Variants in KMT2B observed in about 807,000 individuals in gnomAD.
The protein encoded by KMT2B is histone-lysine N-methyltransferase 2B.
Under a neutral mutation model 255.3 loss-of-function variants are expected in KMT2B, and 22 were observed. The ratio of observed to expected loss-of-function variants is 0.09; its 90% CI spans 0.06 to 0.12. The LOEUF (loss-of-function observed/expected upper bound fraction) is 0.12, where lower values mean the gene tolerates loss of function less well. Ranked by LOEUF, KMT2B falls within the 10% of genes least tolerant of loss-of-function variation. KMT2B has a pLI of 1.00. For synonymous variants in KMT2B, 1,730 were observed against 1,498.1 expected, an observed-to-expected ratio of 1.15 and a Z score of -3.57; for missense variants, 3,149 against 3,737.0, an observed-to-expected ratio of 0.84 and a Z score of 4.10.
chr19:35,722,889 C>G, intron 5 of KMT2B, 106 bp from the exon 6 acceptor site: 1 of 1,432,872 alleles, frequency 7.0e-7, no homozygotes, highest in Non-Finnish European at 9.2e-7. Context: ...CACCAGGAAC[C>G]TGGCGCTGTG....
Position 35,725,789 on chromosome 19 carries a change from A to G in KMT2B, c.3856A>G (p.Thr1286Ala). The G allele has an allele frequency of 6.3e-7, 1 of 1,592,164 alleles. No homozygotes were observed. Among genetic ancestry groups the G allele is most frequent in the South Asian group, 1.1e-5 (1 of 88,430 alleles). ...HPACLGPSYP[T>A]RATRKRRHWI... is the part of the protein sequence containing the mutation. ...GGCCTGTCTGGGGCCCAGCTATCCA[A>G]CCCGGGCCACGCGCAAACGGCGCCA... Residue 1286 changes from threonine to alanine, a missense_variant, in exon 13 of 37, where the codon ACC becomes GCC. By Grantham distance (58) the Thr-to-Ala change is moderately conservative (BLOSUM62 0). Transcript: ENST00000420124. The surrounding 1 kb of genome is among the most constrained non-coding windows in gnomAD (Gnocchi z 4.1).
intron 26 of KMT2B, 71 bp downstream of exon 26, chr19:35,730,938 G>T: frequency 6.9e-7 from 1 of 1,454,102 alleles, no homozygotes; most frequent in Non-Finnish European, 9.1e-7. Flanking sequence ...TCTGTTCCCC[G>T]CTCCCTTTTG....
rs1167533585 is a variant in KMT2B at position 35,738,633 on chromosome 19, C to T, written c.*76C>T. 2 of 1,449,078 alleles carry T rather than the reference C, an allele frequency of 1.4e-6. No individual in the cohort carries two copies. The highest frequency in any genetic ancestry group is 2.8e-5 in the African/African-American group (2 of 71,372). The allele number at this position is 1,449,078 out of a possible 1,614,324, so 89.8% of individuals were successfully genotyped here. On this transcript the variant is annotated 3_prime_UTR_variant, in exon 37 of 37. Transcript: ENST00000420124. This position sits in a 1 kb window ranked among gnomAD's most constrained non-coding sequence, Gnocchi z 8.7. ...CATCTTGCCCCTAGCCTGGGGGCTC[C>T]CTAGCCCCTCCCAGAGCATCTCACC...
rs1969267160 is a variant in KMT2B at position 35,722,617 on chromosome 19, A to C, written c.2621A>C (p.His874Pro). 6.2e-7 allele frequency: 1 copy of C among 1,612,458 alleles called. No individual in the cohort carries two copies. Among genetic ancestry groups the C allele is most frequent in the Non-Finnish European group, 8.5e-7 (1 of 1,179,456 alleles). ...QGPRIKHVCR[H>P]AAVALGQARA... Reference sequence around the variant, plus strand: ...CCCCGCATCAAACATGTCTGCCGTCATGCTGCTGTGGCCCTGGGTCAGGCC... The same window carrying C: ...CCCCGCATCAAACATGTCTGCCGTCCTGCTGCTGTGGCCCTGGGTCAGGCC... The change falls in exon 5 of 37, where the codon CAT becomes CCT. Residue 874 changes from histidine (H) to proline (P), a missense_variant. Around this residue, in one of 18 missense-constraint regions of KMT2B, gnomAD observed 132 missense variants for 174.7 expected, o/e 0.76. Transcript: ENST00000420124.
Position 35,720,445 on chromosome 19 carries a change from AGAG to A in KMT2B, c.1099_1101del (p.Glu367del). 1 of 1,552,830 alleles carries A rather than the reference AGAG, an allele frequency of 6.4e-7. No homozygotes were observed. Among genetic ancestry groups the A allele is most frequent in the South Asian group, 1.2e-5 (1 of 84,194 alleles). Reference sequence around the variant, plus strand: ...AACAGAAGCTGGATGACGAGGAAGAAGAGAAGAAAGAAGAAGAAGAAAAAGACA... The same window carrying A: ...AACAGAAGCTGGATGACGAGGAAGAAAAGAAAGAAGAAGAAGAAAAAGACA... On this transcript the variant is annotated inframe_deletion, in exon 3 of 37. Transcript: ENST00000420124.
At position 35,722,382 on chromosome 19, in the gene KMT2B, G is replaced by A. The variant is rs778389846; in HGVS notation, c.2481G>A (p.Glu827=). The part of the protein sequence containing the change: ...SMPLSPGGQM[E]EVAGAVKQIS... ...AGCTGAGCCCTGGAGGGCAGATGGA[G>A]GAGGTGGCCGGGGCTGTCAAGCAGA... The change falls in exon 4 of 37, where the codon GAG becomes GAA. Residue 827 remains glutamate (E), a synonymous_variant. Transcript: ENST00000420124. 4.3e-6 allele frequency: 7 copies of A among 1,610,532 alleles called. No individual in the cohort carries two copies. The highest frequency in any genetic ancestry group is 1.7e-5 in the Admixed American group (1 of 59,964).
intron 13 of KMT2B, 118 bp from the exon 14 acceptor site, chr19:35,726,118 C>T: frequency 1.3e-6 from 1 of 759,180 alleles, no homozygotes; most frequent in Non-Finnish European, 2.3e-6. Flanking sequence ...GTTTTCTCCT[C>T]TTACCTGTCC....
At position 35,722,712 on chromosome 19, in the gene KMT2B, A is replaced by G; in HGVS notation, c.2716A>G (p.Thr906Ala). 6.3e-7 allele frequency: 1 copy of G among 1,597,120 alleles called. No homozygotes were observed. The highest frequency in any genetic ancestry group is 1.7e-5 in the Admixed American group (1 of 58,430). ...TCTCCGGGATCGGCAGGACCTCGCC[A>G]CAGAGGGTAGGTGGGGAGACTGGAC... is the stretch of plus-strand genomic sequence containing the variant. ...LPLRDRQDLA[T>A]EDTSSASETE... The change falls in exon 5 of 37, where the codon ACA becomes GCA. Residue 906 changes from threonine (T) to alanine (A), a missense_variant. Around this residue, in one of 18 missense-constraint regions of KMT2B, gnomAD observed 132 missense variants for 174.7 expected, o/e 0.76. Coordinates refer to ENST00000420124, the MANE Select transcript of KMT2B (RefSeq NM_014727.3).
At chr19:35,721,941 ACCTT>A (rs1454624209) in intron 3 of KMT2B, 137 bp downstream of exon 3, 3 of 1,207,336 alleles carry the variant, frequency 2.5e-6, no homozygotes, top group Non-Finnish European at 3.3e-6. Flanking sequence ...GTGATCCCCC[ACCTT>A]CCTTTGTTCC....
In KMT2B at chr19:35,723,039, C is replaced by T. The variant is rs749133342; in HGVS notation, c.2767C>T (p.Arg923Trp). Residue 923 changes from arginine (R) to tryptophan (W), a missense_variant, in exon 6 of 37, where the codon CGG becomes TGG. Around this residue, in one of 18 missense-constraint regions of KMT2B, gnomAD observed 132 missense variants for 174.7 expected, o/e 0.76. Coordinates refer to ENST00000420124, the MANE Select transcript of KMT2B (RefSeq NM_014727.3). The surrounding 1 kb of genome is among the most constrained non-coding windows in gnomAD (Gnocchi z 7.5). The stretch of plus-strand genomic sequence containing the variant: ...GACTGAGAGTGTCCCGTCACGGTCC[C>T]GGCGGGGAAAGGTGGAGGCAGCAGG... ...SETESVPSRS[R>W]RGKVEAAGPG... is the part of the protein sequence containing the mutation. 9 of 1,611,450 alleles carry T rather than the reference C, an allele frequency of 5.6e-6. No homozygotes were observed. The highest frequency in any genetic ancestry group is 1.7e-4 in the Middle Eastern group (1 of 6,050).
At chr19:35,736,536 G>A (rs1383961327) in intron 30 of KMT2B, 154 bp from the exon 31 acceptor site, 2 of 845,580 alleles carry the variant, frequency 2.4e-6, no homozygotes, top group Non-Finnish European at 3.6e-6. Context: ...AGGGCTCACT[G>A]GGTAACTGGA....
chr19:35,735,568 G>A (rs79174543), intron 30 of KMT2B: 5,262 of 152,692 alleles, frequency 0.034, 131 homozygotes, highest in Non-Finnish European at 0.051. Flanking sequence ...CTGTCCTCCC[G>A]TCTGTGTTCT....
intron 22 of KMT2B, among the ~76,000 whole-genome samples, chr19:35,729,658 G>C (rs529699753): frequency 6.6e-6 from 1 of 152,026 alleles, no homozygotes. Flanking sequence ...AGGCACTCTC[G>C]GGCATTGGGG....
At position 35,730,848 on chromosome 19, in the gene KMT2B, C is replaced by T. The variant is rs1402102018; in HGVS notation, c.5418C>T (p.His1806=). 4.4e-6 allele frequency: 7 copies of T among 1,608,214 alleles called. No individual in the cohort carries two copies. In the South Asian group the frequency reaches 7.7e-5, roughly 18 times the overall value. The change falls in exon 26 of 37, where the codon CAC becomes CAT. Residue 1806 remains histidine (H), a synonymous_variant. Transcript: ENST00000420124. ...EAAEENQTIV[H]SPAPSSEPPG... ...CAGAGGAGAACCAGACCATTGTGCA[C>T]AGCCCCGCCCCTTCCTCAGGTGTGG...
At chr19:35,729,878 G>T in intron 22 of KMT2B, 89 bp from the exon 23 acceptor site, 2 of 1,355,708 alleles carry the variant, frequency 1.5e-6, no homozygotes, top group Non-Finnish European at 2.0e-6. Flanking sequence ...TGCCAGGCTA[G>T]ACAGGGACCC....
At position 35,729,270 on chromosome 19, in the gene KMT2B, G is replaced by C; in HGVS notation, c.4891G>C (p.Ala1631Pro). 1.2e-6 allele frequency: 2 copies of C among 1,601,820 alleles called. No individual in the cohort carries two copies. The highest frequency in any genetic ancestry group is 1.7e-6 in the Non-Finnish European group (2 of 1,174,400). Residue 1631 changes from alanine (A) to proline (P), a missense_variant, in exon 22 of 37, where the codon GCT (alanine) becomes CCT (proline). Transcript: ENST00000420124. The stretch of plus-strand genomic sequence containing the variant: ...CGACGGCTCCCTCAAGAATGTGCAT[G>C]CTGCTGTGGCCCGAGGGAGGCAGAT... ...ENDGSLKNVH[A>P]AVARGRQMRC...
At position 35,720,280 on chromosome 19, in the gene KMT2B, CA is replaced by C; in HGVS notation, c.939del (p.Val314Ter). 1 of 1,613,024 alleles carries C rather than the reference CA, an allele frequency of 6.2e-7. No homozygotes were observed. The highest frequency in any genetic ancestry group is 8.5e-7 in the Non-Finnish European group (1 of 1,179,674). On this transcript the variant is annotated frameshift_variant, in exon 3 of 37. Coordinates refer to ENST00000420124, the MANE Select transcript of KMT2B (RefSeq NM_014727.3). LOFTEE classifies it high-confidence loss of function. ...TTGTGATCAAGTTTGTTTCAAGGGC[CA>C]AAAAAGTAAAGATGGGACAATTGTC... The part of the protein sequence containing the change: ...PFVIKFVSRA[K>X]KVKMGQLSLG...
Position 35,737,690 on chromosome 19 carries a change from T to G in KMT2B, c.7605T>G (p.Pro2535=). 1.3e-6 allele frequency: 2 copies of G among 1,583,108 alleles called. No homozygotes were observed. Among genetic ancestry groups the G allele is most frequent in the Non-Finnish European group, 1.7e-6 (2 of 1,164,396 alleles). Residue 2535 remains proline (P), a synonymous_variant, in exon 34 of 37, where the codon CCT becomes CCG. Transcript: ENST00000420124. The surrounding 1 kb of genome is among the most constrained non-coding windows in gnomAD (Gnocchi z 5.3). The stretch of plus-strand genomic sequence containing the variant: ...TGGCCTCCCAGCACCGGGTGCTCCC[T>G]GAGGGGGCCACCTGTGATGAGGAAG... ...NFLASQHRVL[P]EGATCDEEED...
chr19:35,733,885 C>T lies in KMT2B; in HGVS notation c.7159+13C>T. 3.8e-6 allele frequency: 6 copies of T among 1,582,122 alleles called. No homozygotes were observed. Among genetic ancestry groups the T allele is most frequent in the Non-Finnish European group, 5.2e-6 (6 of 1,152,964 alleles). ...CACCACTATTCAGGTAGGGACCGGC[C>T]TTGCCCTCTCCCTCCTTGCCTGTGC... is the stretch of plus-strand genomic sequence containing the variant. On this transcript the variant is annotated intron_variant, in intron 30 of 36. Coordinates refer to ENST00000420124, the MANE Select transcript of KMT2B (RefSeq NM_014727.3). This position sits in a 1 kb window ranked among gnomAD's most constrained non-coding sequence, Gnocchi z 4.3.
Sources: gnomAD v4.1 joint callset for allele counts (sites outside exome capture counted in the v4.1 genomes callset) on GRCh38, gnomAD v4.1.1 for gene constraint, gnomAD v4.1.1 regional missense constraint, Gnocchi (gnomAD v3.1) non-coding constraint, MANE v1.5 for transcripts, NCBI Gene and HGNC (gene_info 2026-07-23, HGNC 2026-07-21) for gene names.